BCLAF3: variants seen among roughly 807,000 people sequenced by gnomAD.
BCLAF3 encodes the protein BCLAF1 and THRAP3 family member 3.
A neutral mutation model predicts 51.2 loss-of-function variants in BCLAF3; 24 were observed. That is an observed-to-expected ratio of 0.47 (90% CI 0.34 to 0.66). BCLAF3 has a LOEUF of 0.66. BCLAF3 is among the 30% of genes least tolerant of loss of function. BCLAF3 has a pLI of 0.01. For missense variants in BCLAF3, 465 were observed against 525.1 expected (o/e 0.89, Z 1.12); for synonymous variants, 152 against 176.6 (o/e 0.86, Z 1.10).
chrX:19,965,741 G>C, intron 3 of BCLAF3, 35 bp from the exon 4 acceptor site: 2 of 1,095,000 alleles, frequency 1.8e-6, no homozygotes, highest in Middle Eastern at 2.5e-4. Context: ...ACTTGCAATA[G>C]AGAGAAGAAA....
intron 5 of BCLAF3, chrX:19,954,346 T>C (rs2071591706): frequency 9.5e-6 from 2 of 211,635 alleles, no homozygotes; most frequent in Admixed American, 9.3e-5. Flanking sequence ...GGCCTTCTAA[T>C]GCCACTTTAC....
Position 19,965,670 on chromosome X carries a change from G to A in BCLAF3, c.648C>T (p.His216=). Residue 216 remains histidine, a synonymous_variant, in exon 4 of 12, where the codon CAC becomes CAT. Transcript: ENST00000379682. The part of the protein sequence containing the change: ...PEDRDFRKYG[H]TSKRPKDVER... ...CCACGTCTTTAGGTCTTTTTGATGT[G>A]TGTCCATATTTTCTGAAATCACGAT... 4.4e-6 allele frequency: 5 copies of A among 1,135,923 alleles called. No individual in the cohort carries two copies. The highest frequency in any genetic ancestry group is 4.6e-6 in the Non-Finnish European group (4 of 861,440). 93.6% of individuals were successfully genotyped at this position (1,135,923 alleles called of 1,213,427 possible).
chrX:19,951,458 T>C (rs76946380), intron 7 of BCLAF3, among the ~76,000 whole-genome samples: 3 of 106,263 alleles, frequency 2.8e-5, no homozygotes, highest in Non-Finnish European at 5.8e-5. Context: ...TAGCCGGGCA[T>C]GGTGATGGGC....
chrX:19,980,351 A>T (rs1207825242), intron 1 of BCLAF3, among the ~76,000 whole-genome samples: 3 of 112,535 alleles, frequency 2.7e-5, no homozygotes, highest in African/African-American at 9.7e-5. Context: ...GGTGAGAAAC[A>T]GCAGCACTAA....
chrX:19,950,980 C>T (rs2071456274), intron 7 of BCLAF3, 112 bp from the exon 8 acceptor site: 1 of 442,897 alleles, frequency 2.3e-6, no homozygotes, highest in African/African-American at 2.4e-5. Flanking sequence ...TGTACTCATC[C>T]TGCTAATGGT....
chrX:19,939,712 G>A (rs1427467262), intron 8 of BCLAF3, among the ~76,000 whole-genome samples: 1 of 112,015 alleles, frequency 8.9e-6, no homozygotes, highest in African/African-American at 3.2e-5. Flanking sequence ...GCCATACAAT[G>A]GAATATTATT....
chrX:19,952,553 C>T (rs1286303892), intron 7 of BCLAF3, among the ~76,000 whole-genome samples: 15 of 111,175 alleles, frequency 1.3e-4, no homozygotes, highest in Non-Finnish European at 2.4e-4. Context: ...CAGAATGTTT[C>T]GTACATTCTG....
chrX:19,974,214 C>T (rs941664323), intron 1 of BCLAF3, among the ~76,000 whole-genome samples: 5 of 112,587 alleles, frequency 4.4e-5, no homozygotes, highest in African/African-American at 1.6e-4. Context: ...CAGTTCAAAC[C>T]CATGTTGTTC....
chrX:19,926,337 A>C (rs1444769714), intron 11 of BCLAF3, among the ~76,000 whole-genome samples: 1 of 111,468 alleles, frequency 9.0e-6, no homozygotes, highest in African/African-American at 3.3e-5. Context: ...CCTAGGCCTA[A>C]AGATTGGAGA....
intron 11 of BCLAF3, among the ~76,000 whole-genome samples, chrX:19,920,617 C>T (rs1276974773): frequency 2.7e-5 from 3 of 110,486 alleles, no homozygotes; most frequent in Admixed American, 1.9e-4. Flanking sequence ...CCCAGGAGTT[C>T]GAGACCAGCC....
intron 8 of BCLAF3, among the ~76,000 whole-genome samples, chrX:19,944,082 G>C (rs1444309222): frequency 1.8e-5 from 1 of 54,323 alleles, no homozygotes; most frequent in Non-Finnish European, 3.2e-5. Context: ...TTTTATCAGA[G>C]ACTAGGATTG....
At chrX:19,956,891 G>T (rs1603321582) in intron 4 of BCLAF3, among the ~76,000 whole-genome samples, 1 of 111,808 alleles carries the variant, frequency 8.9e-6, no homozygotes, top group African/African-American at 3.2e-5. Context: ...AGATGTGTCT[G>T]GGGGTATGAG....
At chrX:19,934,133 T>G (rs554247659) in intron 10 of BCLAF3, among the ~76,000 whole-genome samples, 2 of 112,260 alleles carry the variant, frequency 1.8e-5, no homozygotes, top group Admixed American at 9.5e-5. Flanking sequence ...CTACAAAGAA[T>G]TGTACACTTC....
Position 19,919,972 on chromosome X carries a change from T to C in BCLAF3, c.2107-2638A>G, listed in dbSNP as rs753792892. 8.1e-5 allele frequency among the ~76,000 whole-genome samples: 9 copies of C among 111,616 alleles called. No homozygotes were observed. In the East Asian group the frequency reaches 1.4e-3, roughly 17 times the overall value. ...GGCCCTTGGCCAGCATCTGGGAACT[T>C]AGATTTCAAGAGGGTCCCCACCATT... On this transcript the variant is annotated intron_variant, in intron 11 of 11. Transcript: ENST00000379682.
rs181804498 is a variant in BCLAF3 at position 19,953,990 on chromosome X, C to T, written c.1451-98G>A. The T allele has an allele frequency of 5.5e-4, 583 of 1,066,055 alleles. 1 individual carries two copies. Among genetic ancestry groups the T allele is most frequent in the Middle Eastern group, 2.6e-3 (7 of 2,717 alleles). The allele number at this position is 1,066,055 out of a possible 1,213,427, so 87.9% of individuals were successfully genotyped here. A position where few individuals can be genotyped will look rare whatever the true frequency, so the allele number is the denominator to read the frequency against. On this transcript the variant is annotated intron_variant, in intron 5 of 11. Transcript: ENST00000379682. Reference sequence around the variant, plus strand: ...AAAGAAGGGATTATTTTTTAAAATTCAACCTGTTTTCTCTTAAAAATATGT... The same window carrying T: ...AAAGAAGGGATTATTTTTTAAAATTTAACCTGTTTTCTCTTAAAAATATGT...
intron 1 of BCLAF3, among the ~76,000 whole-genome samples, chrX:19,983,962 C>T (rs1419024765): frequency 9.4e-6 from 1 of 106,424 alleles, no homozygotes; most frequent in Non-Finnish European, 1.9e-5. Context: ...GTCCCAGCTA[C>T]TCAGGAGGCT....
chrX:19,921,440 A>C (rs1044120816), intron 11 of BCLAF3, among the ~76,000 whole-genome samples: 1 of 112,556 alleles, frequency 8.9e-6, no homozygotes, highest in Non-Finnish European at 1.9e-5. Context: ...TTTACACTAT[A>C]TCATAAAAAT....
intron 4 of BCLAF3, among the ~76,000 whole-genome samples, chrX:19,963,428 A>C (rs1234088048): frequency 4.5e-5 from 5 of 111,046 alleles, no homozygotes; most frequent in Admixed American, 1.9e-4. Context: ...ATAATAGCAC[A>C]AAATTATTTA....
rs949106228 is a variant in BCLAF3, at chrX:19,935,559, G to C, written c.1950+250C>G. ...GTCACTCCACCTGCATCTGTTTTAT[G>C]TATTTGTGTTTCCATGTAATATTTG... On this transcript the variant is annotated intron_variant, in intron 10 of 11. Transcript: ENST00000379682. 7 of 327,156 alleles carry C rather than the reference G, an allele frequency of 2.1e-5. No individual in the cohort carries two copies. In the East Asian group the frequency reaches 3.8e-4, roughly 18 times the overall value. 27.0% of individuals were successfully genotyped at this position (327,156 alleles called of 1,213,427 possible). A position where few individuals can be genotyped will look rare whatever the true frequency, so the allele number is the denominator to read the frequency against.
Sources: gnomAD v4.1 joint callset for allele counts (sites outside exome capture counted in the v4.1 genomes callset) on GRCh38, gnomAD v4.1.1 for gene constraint, MANE v1.5 for transcripts, NCBI Gene and HGNC (gene_info 2026-07-23, HGNC 2026-07-21) for gene names.